POM121: variants seen among roughly 807,000 people sequenced by gnomAD.
The protein encoded by POM121 is POM121 transmembrane nucleoporin.
POM121 carries 32 observed loss-of-function variants against 81.3 expected under a neutral mutation model. The observed-to-expected ratio is 0.39, with a 90% CI of 0.30 to 0.53. The LOEUF (loss-of-function observed/expected upper bound fraction) is 0.53. Ranked by LOEUF, POM121 falls within the 20% of genes least tolerant of loss-of-function variation. The probability of loss-of-function intolerance (pLI) is 0.66; values close to 1 mark genes in which losing one functional copy is unlikely to be tolerated. For missense variants in POM121, 1,138 were observed against 1,614.6 expected, an observed-to-expected ratio of 0.70 and a Z score of 5.06; for synonymous variants, 514 against 694.2, an observed-to-expected ratio of 0.74 and a Z score of 4.08.
At chr7:72,945,840 C>G (rs376079314) in intron 12 of POM121, 132 bp downstream of exon 12, 1 of 1,408,154 alleles carries the variant, frequency 7.1e-7, no homozygotes, top group Non-Finnish European at 9.5e-7. Flanking sequence ...GGTTAGGAGT[C>G]CAGCACAACC....
upstream of POM121, among the ~76,000 whole-genome samples, chr7:72,920,367 T>G (rs537557265): frequency 0.016 from 2,430 of 147,498 alleles, 26 homozygotes; most frequent in African/African-American, 0.057. Flanking sequence ...TTTTTTTTTT[T>G]AGTTGGAGTC....
At chr7:72,929,579 G>A (rs1381927676) in intron 4 of POM121, among the ~76,000 whole-genome samples, 1 of 152,118 alleles carries the variant, frequency 6.6e-6, no homozygotes, top group Admixed American at 6.5e-5. Context: ...ACATACACCT[G>A]TGGAACCATC....
chr7:72,910,146 C>T (rs1193401479), intron 3 of POM121, among the ~76,000 whole-genome samples: 1 of 152,192 alleles, frequency 6.6e-6, no homozygotes, highest in Non-Finnish European at 1.5e-5. Flanking sequence ...TGCATAAACA[C>T]ACTTTTGAGA....
At chr7:72,903,432 C>T (rs1158979961) in intron 3 of POM121, among the ~76,000 whole-genome samples, 3 of 152,048 alleles carry the variant, frequency 2.0e-5, no homozygotes, top group Admixed American at 6.6e-5. Context: ...GCGAAGACTC[C>T]GTCTCAAAAA....
chr7:72,948,332 C>T (rs1797840359), downstream of POM121: 1 of 1,607,120 alleles, frequency 6.2e-7, no homozygotes, highest in East Asian at 2.2e-5. Flanking sequence ...CTGCAGGCAA[C>T]ACTTTTGCTC....
intron 3 of POM121, among the ~76,000 whole-genome samples, chr7:72,913,045 CATTA>C (rs1272349231): frequency 6.6e-6 from 1 of 152,154 alleles, no homozygotes; most frequent in African/African-American, 2.4e-5. Context: ...TGATATCATG[CATTA>C]ATTATATATA....
chr7:72,911,850 A>G (rs1240971971), intron 3 of POM121, among the ~76,000 whole-genome samples: 1 of 152,198 alleles, frequency 6.6e-6, no homozygotes. Context: ...AACTCCCACC[A>G]AAGTACAAGA....
intron 6 of POM121, 108 bp downstream of exon 6, chr7:72,938,789 A>C: frequency 7.6e-7 from 1 of 1,323,714 alleles, no homozygotes; most frequent in Admixed American, 1.7e-5. Context: ...TGACTTGGAG[A>C]ATCAAAGAAA....
intron 5 of POM121, 115 bp downstream of exon 5, chr7:72,930,226 G>A (rs570061392): frequency 1.6e-5 from 22 of 1,360,488 alleles, no homozygotes; most frequent in Admixed American, 4.9e-5. Flanking sequence ...AGGCCAAAGC[G>A]GGAGGATTGC....
intron 1 of POM121, among the ~76,000 whole-genome samples, chr7:72,881,475 C>T (rs1389020939): frequency 1.2e-4 from 18 of 150,666 alleles, no homozygotes; most frequent in African/African-American, 4.2e-4. Flanking sequence ...ACTTCAGTGA[C>T]CTGCTTCTGC....
rs182298275 is a variant in POM121 at position 72,941,302 on chromosome 7, G to A, written c.1843+309G>A. On this transcript the variant is annotated intron_variant, in intron 10 of 12. Coordinates refer to ENST00000434423, the MANE Select transcript of POM121 (RefSeq NM_001387691.1). The stretch of plus-strand genomic sequence containing the variant: ...CTCTGAAGTGTGAATGTGGTGGCGT[G>A]GTCAGGATATCCTTGCCTGTCAGAA... 6.0e-3 allele frequency among the ~76,000 whole-genome samples: 906 copies of A among 152,158 alleles called. 7 individuals are homozygous for A. The highest frequency in any genetic ancestry group is 0.021 in the African/African-American group (865 of 41,494).
At chr7:72,920,878 C>T (rs1170349731), upstream of POM121, among the ~76,000 whole-genome samples, 4 of 152,076 alleles carry the variant, frequency 2.6e-5, no homozygotes, top group African/African-American at 4.8e-5. Context: ...TGGCCCCCAT[C>T]TCTACAAAAA....
rs374439 is a variant in POM121 at position 72,946,543 on chromosome 7, A to G, written c.*309A>G. ...TCCGCTGCCCTGACTCCCGCTTAGC[A>G]CACCCTTAGGCAGGCGCCCCTTCCA... On this transcript the variant is annotated 3_prime_UTR_variant, in exon 13 of 13. Transcript: ENST00000434423. 32,844 of 1,125,684 alleles carry G rather than the reference A, an allele frequency of 0.029. 1,496 individuals are homozygous for G. The highest frequency in any genetic ancestry group is 0.18 in the African/African-American group (11,160 of 60,498). The allele number at this position is 1,125,684 out of a possible 1,614,324, so 69.7% of individuals were successfully genotyped here. A position where few individuals can be genotyped will look rare whatever the true frequency, so the allele number is the denominator to read the frequency against.
rs187967491 is a variant in POM121, at chr7:72,912,340, C to T, written c.-215-1425C>T. ...AGGCCAGAGTGGGAGAAATAAGACACGCAGCACAGTGCAGTAAACTGATAG... is the reference window on the plus strand; with the variant it reads ...AGGCCAGAGTGGGAGAAATAAGACATGCAGCACAGTGCAGTAAACTGATAG... On this transcript the variant is annotated intron_variant, in intron 3 of 15. Transcript: ENST00000395270. Among the ~76,000 whole-genome samples, 630 of 152,190 alleles carry T rather than the reference C, an allele frequency of 4.1e-3. 4 individuals carry two copies. Among genetic ancestry groups the T allele is most frequent in the African/African-American group, 0.013 (550 of 41,516 alleles).
At chr7:72,882,707 C>T (rs1790284101) in intron 1 of POM121, among the ~76,000 whole-genome samples, 2 of 152,132 alleles carry the variant, frequency 1.3e-5, no homozygotes, top group South Asian at 4.1e-4. Flanking sequence ...AATATTTGTT[C>T]GTCTTTTTGT....
chr7:72,893,605 C>T (rs1246927240), intron 3 of POM121, among the ~76,000 whole-genome samples: 24 of 152,054 alleles, frequency 1.6e-4, no homozygotes, highest in African/African-American at 5.6e-4. Context: ...ACGTAACATA[C>T]GATTTACCGT....
Position 72,938,480 on chromosome 7 carries a change from C to A in POM121, c.1276-110C>A, listed in dbSNP as rs1396546225. The A allele has an allele frequency of 5.4e-6, 7 of 1,290,078 alleles. No individual in the cohort carries two copies. In the African/African-American group the frequency reaches 1.0e-4, roughly 19 times the overall value. 79.9% of individuals were successfully genotyped at this position (1,290,078 alleles called of 1,614,324 possible). ...TGCTGGGATTACAGGCATGACTAAC[C>A]ATTTAACCATAAAGAATGTTTTTTT... On this transcript the variant is annotated intron_variant, in intron 5 of 12. Coordinates refer to ENST00000434423, the MANE Select transcript of POM121 (RefSeq NM_001387691.1).
At chr7:72,899,169 G>C (rs1296308983) in intron 3 of POM121, among the ~76,000 whole-genome samples, 1 of 151,794 alleles carries the variant, frequency 6.6e-6, no homozygotes, top group Non-Finnish European at 1.5e-5. Flanking sequence ...ATTTTTAGTA[G>C]AGATGGGGTT....
chr7:72,920,853 C>A (rs1305215915), upstream of POM121, among the ~76,000 whole-genome samples: 1 of 152,032 alleles, frequency 6.6e-6, no homozygotes, highest in Non-Finnish European at 1.5e-5. Context: ...TGAGTTTTTC[C>A]AGTCTGACTT....
Sources: gnomAD v4.1 joint callset for allele counts (sites outside exome capture counted in the v4.1 genomes callset) on GRCh38, gnomAD v4.1.1 for gene constraint, MANE v1.5 for transcripts, NCBI Gene and HGNC (gene_info 2026-07-23, HGNC 2026-07-21) for gene names.